EPB41L4A: variants seen among roughly 807,000 people sequenced by gnomAD.
EPB41L4A encodes band 4.1-like protein 4A.
A neutral mutation model predicts 108.6 loss-of-function variants in EPB41L4A; 100 were observed. That is an observed-to-expected ratio of 0.92 (90% confidence interval 0.78 to 1.09). The LOEUF is 1.09. Ranked by LOEUF, EPB41L4A falls within the 50% of genes least tolerant of loss-of-function variation. The pLI is 0.00. For synonymous variants in EPB41L4A, 319 were observed against 289.0 expected, an observed-to-expected ratio of 1.10 and a Z score of -1.05; for missense variants, 1,030 against 842.7, an observed-to-expected ratio of 1.22 and a Z score of -2.75.
chr5:112,352,903 T>C (rs1758134292), intron 1 of EPB41L4A, among the ~76,000 whole-genome samples: 1 of 152,234 alleles, frequency 6.6e-6, no homozygotes, highest in Non-Finnish European at 1.5e-5. Flanking sequence ...GTTAATTGTA[T>C]TCTTATGTTG....
At chr5:112,294,182 T>C (rs1753838777) in intron 2 of EPB41L4A, among the ~76,000 whole-genome samples, 1 of 152,242 alleles carries the variant, frequency 6.6e-6, no homozygotes, top group Non-Finnish European at 1.5e-5. Context: ...AACTTCCTAA[T>C]ATCTCAGTAA....
intron 18 of EPB41L4A, among the ~76,000 whole-genome samples, chr5:112,182,655 A>C (rs17266897): frequency 0.013 from 2,007 of 152,334 alleles, 21 homozygotes; most frequent in Middle Eastern, 0.027. Context: ...CCTTCATAGA[A>C]AACTATTCCA....
At chr5:112,339,478 A>AGC (rs1561584881) in intron 1 of EPB41L4A, among the ~76,000 whole-genome samples, 358 of 32,436 alleles carry the variant, frequency 0.011, 3 homozygotes, top group South Asian at 0.015. Flanking sequence ...ATATATCTAT[A>AGC]TATATATATA....
chr5:112,203,547 A>C (rs551160410), intron 15 of EPB41L4A, among the ~76,000 whole-genome samples: 1 of 152,218 alleles, frequency 6.6e-6, no homozygotes, highest in Non-Finnish European at 1.5e-5. Flanking sequence ...AGAGAGGTCC[A>C]AAACTTCCAG....
At chr5:112,350,723 C>T (rs991238980) in intron 1 of EPB41L4A, among the ~76,000 whole-genome samples, 2 of 152,180 alleles carry the variant, frequency 1.3e-5, no homozygotes, top group East Asian at 1.9e-4. Context: ...TGAGTCAGAA[C>T]ATGTGGTATC....
chr5:112,241,252 G>A (rs1715752145), intron 9 of EPB41L4A, among the ~76,000 whole-genome samples: 1 of 152,120 alleles, frequency 6.6e-6, no homozygotes, highest in African/African-American at 2.4e-5. Context: ...AGAATCTCAA[G>A]CCAAGAACCA....
At chr5:112,217,721 C>A (rs1000496968) in intron 12 of EPB41L4A, among the ~76,000 whole-genome samples, 1 of 152,062 alleles carries the variant, frequency 6.6e-6, no homozygotes, top group African/African-American at 2.4e-5. Context: ...ATGTTTCTGC[C>A]TTCTAAAGTT....
intron 17 of EPB41L4A, among the ~76,000 whole-genome samples, chr5:112,186,739 A>G (rs1223980461): frequency 6.6e-6 from 1 of 152,226 alleles, no homozygotes; most frequent in Non-Finnish European, 1.5e-5. Flanking sequence ...CATCCTTACA[A>G]AAGACCTCTA....
intron 13 of EPB41L4A, chr5:112,206,167 C>A (rs1182072551): frequency 2.6e-5 from 4 of 152,180 alleles, no homozygotes; most frequent in African/African-American, 9.7e-5. Flanking sequence ...AGCCTCCAGG[C>A]ACCAGTGGGG....
At chr5:112,278,742 A>T (rs1752767692) in intron 3 of EPB41L4A, among the ~76,000 whole-genome samples, 1 of 152,020 alleles carries the variant, frequency 6.6e-6, no homozygotes, top group Non-Finnish European at 1.5e-5. Flanking sequence ...TTCCTATAAA[A>T]GAAACCTGTG....
chr5:112,234,082 G>A (rs1749151021), intron 12 of EPB41L4A, among the ~76,000 whole-genome samples: 1 of 151,786 alleles, frequency 6.6e-6, no homozygotes, highest in African/African-American at 2.4e-5. Flanking sequence ...ACTTTGGGAG[G>A]CTGAAGAGAG....
intron 4 of EPB41L4A, among the ~76,000 whole-genome samples, chr5:112,271,430 T>C (rs554976932): frequency 1.3e-5 from 2 of 152,374 alleles, no homozygotes; most frequent in African/African-American, 2.4e-5. Flanking sequence ...CTCTTACATA[T>C]TCCTCCAAGC....
chr5:112,244,239 A>C (rs1032452501), intron 9 of EPB41L4A, among the ~76,000 whole-genome samples: 2 of 152,246 alleles, frequency 1.3e-5, no homozygotes, highest in African/African-American at 4.8e-5. Flanking sequence ...TCTGTGGAGC[A>C]GTCAGAACAC....
chr5:112,333,383 C>A (rs990165741), intron 1 of EPB41L4A, among the ~76,000 whole-genome samples: 1 of 152,144 alleles, frequency 6.6e-6, no homozygotes, highest in Admixed American at 6.5e-5. Flanking sequence ...AGGAAATGCT[C>A]GGCTGGTCTC....
At chr5:112,356,634 T>C (rs1398831559) in intron 1 of EPB41L4A, among the ~76,000 whole-genome samples, 2 of 152,238 alleles carry the variant, frequency 1.3e-5, no homozygotes, top group African/African-American at 4.8e-5. Context: ...CTCTCCCCTC[T>C]GCCATAATCT....
chr5:112,145,589 A>C (rs1444732812), intron 13 of EPB41L4A, among the ~76,000 whole-genome samples: 1 of 152,164 alleles, frequency 6.6e-6, no homozygotes, highest in Non-Finnish European at 1.5e-5. Context: ...CATGCTATTG[A>C]CTTTAGGACA....
At chr5:112,150,216 T>C (rs1759413280) in intron 12 of EPB41L4A, among the ~76,000 whole-genome samples, 1 of 152,116 alleles carries the variant, frequency 6.6e-6, no homozygotes, top group Non-Finnish European at 1.5e-5. Context: ...AAAGGCTTTC[T>C]AGAGGAACAG....
At chr5:112,379,621 C>G (rs1450300874) in intron 1 of EPB41L4A, among the ~76,000 whole-genome samples, 1 of 152,140 alleles carries the variant, frequency 6.6e-6, no homozygotes, top group African/African-American at 2.4e-5. Context: ...TTCTCATCTG[C>G]AAAAGGAAGA....
At chr5:112,356,157 G>A (rs2150744735) in intron 1 of EPB41L4A, among the ~76,000 whole-genome samples, 1 of 152,166 alleles carries the variant, frequency 6.6e-6, no homozygotes. Flanking sequence ...TCCACATTGT[G>A]GGTAGAAGTC....
Sources: allele counts gnomAD v4.1 joint callset (sites outside exome capture counted in the v4.1 genomes callset), GRCh38; gene constraint gnomAD v4.1.1; transcripts MANE v1.5; gene names NCBI Gene and HGNC (gene_info 2026-07-23, HGNC 2026-07-21).